The following SLIT3 variants were observed in gnomAD, a reference collection of about 807,000 sequenced individuals.
SLIT3 encodes slit homolog 3 protein.
A neutral mutation model predicts 184.0 loss-of-function variants in SLIT3; 68 were observed. The observed-to-expected ratio is 0.37, with a 90% CI of 0.30 to 0.45. The LOEUF is 0.45. Ranked by LOEUF, SLIT3 falls within the 20% of genes least tolerant of loss-of-function variation. The probability of loss-of-function intolerance (pLI) is 1.00; values close to 1 mark genes in which losing one functional copy is unlikely to be tolerated. For synonymous variants in SLIT3, 831 were observed against 828.6 expected, an observed-to-expected ratio of 1.00 and a Z score of -0.05; for missense variants, 1,707 against 2,026.0, an observed-to-expected ratio of 0.84 and a Z score of 3.02.
chr5:169,176,890 C>T (rs1190939713), intron 4 of SLIT3, among the ~76,000 whole-genome samples: 1 of 152,198 alleles, frequency 6.6e-6, no homozygotes, highest in East Asian at 1.9e-4. Context: ...CTCTTTCTGC[C>T]AGCACCCTCT....
chr5:168,713,984 G>A (rs1762640118), intron 23 of SLIT3, among the ~76,000 whole-genome samples: 1 of 152,056 alleles, frequency 6.6e-6, no homozygotes, highest in South Asian at 2.1e-4. Flanking sequence ...TCTCCTCTTA[G>A]TTACCCTCCA....
chr5:168,904,440 C>T, intron 4 of SLIT3, among the ~76,000 whole-genome samples: 1 of 152,038 alleles, frequency 6.6e-6, no homozygotes, highest in Non-Finnish European at 1.5e-5. Context: ...ATCAAAGCCT[C>T]TGACTCTCCT....
intron 5 of SLIT3, among the ~76,000 whole-genome samples, chr5:168,847,001 G>C (rs1230636224): frequency 6.6e-6 from 1 of 152,202 alleles, no homozygotes; most frequent in Non-Finnish European, 1.5e-5. Flanking sequence ...ACACACACTA[G>C]TAAATATCCC....
chr5:169,074,720 T>G (rs1182828757), intron 4 of SLIT3, among the ~76,000 whole-genome samples: 3 of 152,220 alleles, frequency 2.0e-5, no homozygotes, highest in African/African-American at 7.2e-5. Flanking sequence ...TGTTTGGATC[T>G]AGGGTGAACA....
At chr5:169,225,722 C>T (rs995860141) in intron 3 of SLIT3, among the ~76,000 whole-genome samples, 7 of 152,026 alleles carry the variant, frequency 4.6e-5, no homozygotes, top group East Asian at 1.9e-4. Flanking sequence ...AGGGGGTGGG[C>T]GGCAGGGGGT....
chr5:168,911,877 A>C (rs1761263859), intron 4 of SLIT3, among the ~76,000 whole-genome samples: 2 of 152,254 alleles, frequency 1.3e-5, no homozygotes, highest in African/African-American at 4.8e-5. Context: ...CCTACACTGC[A>C]TGAGTAAAAT....
At chr5:168,816,676 C>A (rs1757342898) in intron 8 of SLIT3, among the ~76,000 whole-genome samples, 1 of 152,216 alleles carries the variant, frequency 6.6e-6, no homozygotes, top group Admixed American at 6.5e-5. Context: ...TTGCTCAGCA[C>A]ATTTTGTGAG....
intron 6 of SLIT3, among the ~76,000 whole-genome samples, chr5:168,828,468 C>G (rs1315599521): frequency 1.3e-5 from 2 of 151,020 alleles, no homozygotes; most frequent in Non-Finnish European, 1.5e-5. Context: ...CTGTCTCTAC[C>G]AAAAAAATGA....
intron 4 of SLIT3, among the ~76,000 whole-genome samples, chr5:169,189,121 C>CTG (rs1763455795): frequency 6.6e-6 from 1 of 152,166 alleles, no homozygotes; most frequent in Admixed American, 6.5e-5. Flanking sequence ...AGCTCATGTT[C>CTG]TGTGTGTTTG....
Position 168,871,130 on chromosome 5 carries a change from C to G in SLIT3, c.485+12135G>C, listed in dbSNP as rs115237393. On this transcript the variant is annotated intron_variant, in intron 5 of 35. Coordinates refer to ENST00000519560, the MANE Select transcript of SLIT3 (RefSeq NM_003062.4). Reference sequence around the variant, plus strand: ...CCCAGGGTACAATCTGTTTTCCTGTCTTTTCCAGGATCGGGGTTGTCCTCC... The same window carrying G: ...CCCAGGGTACAATCTGTTTTCCTGTGTTTTCCAGGATCGGGGTTGTCCTCC... Among the ~76,000 whole-genome samples, 1,064 of 152,314 alleles carry G rather than the reference C, an allele frequency of 7.0e-3. 7 individuals carry two copies. Among genetic ancestry groups the G allele is most frequent in the Middle Eastern group, 0.017 (5 of 294 alleles).
At chr5:168,917,699 T>A (rs529428883) in intron 4 of SLIT3, among the ~76,000 whole-genome samples, 1 of 152,324 alleles carries the variant, frequency 6.6e-6, no homozygotes, top group East Asian at 1.9e-4. Context: ...TTTATGTCCA[T>A]ATTATCTCTA....
chr5:169,039,117 T>C (rs1355173262), intron 4 of SLIT3, among the ~76,000 whole-genome samples: 1 of 152,088 alleles, frequency 6.6e-6, no homozygotes, highest in Non-Finnish European at 1.5e-5. Flanking sequence ...GTTACATATG[T>C]ATACATGTGC....
intron 3 of SLIT3, among the ~76,000 whole-genome samples, chr5:169,226,790 A>G (rs1258563871): frequency 6.6e-6 from 1 of 152,206 alleles, no homozygotes; most frequent in Non-Finnish European, 1.5e-5. Context: ...CAGGAGGCTC[A>G]AAGACTCAGG....
At chr5:168,684,157 C>T (rs964877279) in intron 31 of SLIT3, 61 bp from the exon 32 acceptor site, 1 of 1,445,502 alleles carries the variant, frequency 6.9e-7, no homozygotes, top group East Asian at 2.6e-5. Flanking sequence ...CTTCCCTGCC[C>T]ATCTCACAGA....
intron 4 of SLIT3, among the ~76,000 whole-genome samples, chr5:169,146,833 T>C (rs753389527): frequency 1.3e-5 from 2 of 152,206 alleles, no homozygotes; most frequent in Non-Finnish European, 2.9e-5. Flanking sequence ...ACCAACCCAT[T>C]ATCTTTTTAT....
At chr5:169,079,539 A>AGGAAGAAGGG (rs1189840212) in intron 4 of SLIT3, among the ~76,000 whole-genome samples, 4 of 78,432 alleles carry the variant, frequency 5.1e-5, no homozygotes, top group Non-Finnish European at 2.5e-5. Context: ...AAGGAGGAGG[A>AGGAAGAAGGG]GGAAGAAGGA....
At chr5:168,976,511 G>A (rs1033325745) in intron 4 of SLIT3, among the ~76,000 whole-genome samples, 1 of 152,196 alleles carries the variant, frequency 6.6e-6, no homozygotes, top group African/African-American at 2.4e-5. Flanking sequence ...TAAACACAGA[G>A]CTGAGAGTAT....
intron 4 of SLIT3, among the ~76,000 whole-genome samples, chr5:169,187,481 C>T (rs1763392443): frequency 6.6e-6 from 1 of 152,072 alleles, no homozygotes; most frequent in South Asian, 2.1e-4. Context: ...GATAGGTGGG[C>T]CAAAAGGAGC....
intron 20 of SLIT3, among the ~76,000 whole-genome samples, chr5:168,742,924 C>T (rs540013736): frequency 2.0e-5 from 3 of 151,740 alleles, no homozygotes; most frequent in African/African-American, 7.3e-5. Flanking sequence ...GTCAAGAGAT[C>T]GAGACTATCC....
Sources: gnomAD v4.1 joint callset for allele counts (sites outside exome capture counted in the v4.1 genomes callset) on GRCh38, gnomAD v4.1.1 for gene constraint, MANE v1.5 for transcripts, NCBI Gene and HGNC (gene_info 2026-07-23, HGNC 2026-07-21) for gene names.